PPWD1: variants seen among roughly 807,000 people sequenced by gnomAD.
The protein encoded by PPWD1 is peptidylprolyl isomerase domain and WD repeat-containing protein 1.
In PPWD1, 43 loss-of-function variants were observed where a neutral mutation model predicts 68.8. The ratio of observed to expected loss-of-function variants is 0.62; its 90% CI spans 0.49 to 0.81. The LOEUF (loss-of-function observed/expected upper bound fraction) is 0.81, where lower values mean the gene tolerates loss of function less well. PPWD1 is among the 30% of genes least tolerant of loss of function. The pLI is 0.00. For missense variants in PPWD1, 672 were observed against 804.8 expected (o/e 0.83, Z 2.00); for synonymous variants, 232 against 258.7 (o/e 0.90, Z 0.99).
intron 7 of PPWD1, among the ~76,000 whole-genome samples, chr5:65,582,113 G>T (rs1199855442): frequency 6.6e-6 from 1 of 152,096 alleles, no homozygotes; most frequent in African/African-American, 2.4e-5. Context: ...TGTTTATTTG[G>T]AATCTATCCA....
chr5:65,574,685 G>A (rs554991094), intron 5 of PPWD1, among the ~76,000 whole-genome samples: 1 of 151,638 alleles, frequency 6.6e-6, no homozygotes, highest in Admixed American at 6.6e-5. Context: ...GGATGGTCTC[G>A]ATCTCCTGAC....
chr5:65,564,272 C>T (rs1752543426), intron 1 of PPWD1, among the ~76,000 whole-genome samples: 1 of 150,502 alleles, frequency 6.6e-6, no homozygotes, highest in Non-Finnish European at 1.5e-5. Flanking sequence ...CGTACTTTAG[C>T]ACCTTCCCTT....
chr5:65,568,787 G>A (rs1752881654), intron 2 of PPWD1: 1 of 299,872 alleles, frequency 3.3e-6, no homozygotes, highest in South Asian at 3.1e-5. Flanking sequence ...TGTAAAATAG[G>A]ATAATTCTGA....
intron 10 of PPWD1, among the ~76,000 whole-genome samples, chr5:65,586,818 CA>C (rs942924603): frequency 2.6e-5 from 4 of 152,080 alleles, no homozygotes; most frequent in Non-Finnish European, 4.4e-5. Flanking sequence ...ATTAACTTGC[CA>C]AAAGGTCAAG....
Position 65,586,168 on chromosome 5 carries a change from C to T in PPWD1, c.1784C>T (p.Thr595Met), listed in dbSNP as rs369664589. ...SNTNGSQFFI[T>M]VVPTPWLDNK... ...ACTAATGGATCCCAGTTTTTCATAA[C>T]GGTAGTACCAACGGTAAGTACAGTA... The change falls in exon 10 of 11, where the codon ACG (threonine) becomes ATG (methionine). Residue 595 changes from threonine (T) to methionine (M), a missense_variant. By Grantham distance (81) the Thr-to-Met change is moderately conservative (BLOSUM62 -1). Around this residue, in one of 2 missense-constraint regions of PPWD1, gnomAD observed 484 missense variants for 646.2 expected, o/e 0.75. Transcript: ENST00000261308. 9.7e-5 allele frequency: 156 copies of T among 1,612,242 alleles called. No individual in the cohort carries two copies. Among genetic ancestry groups the T allele is most frequent in the Non-Finnish European group, 1.2e-4 (147 of 1,178,994 alleles).
At chr5:65,575,138 G>C (rs1257647402) in intron 5 of PPWD1, among the ~76,000 whole-genome samples, 2 of 152,180 alleles carry the variant, frequency 1.3e-5, no homozygotes, top group Non-Finnish European at 2.9e-5. Flanking sequence ...GCCCTGCTAT[G>C]AAGTCTAGAG....
At chr5:65,571,040 A>G (rs765087993) in intron 4 of PPWD1, among the ~76,000 whole-genome samples, 1 of 152,162 alleles carries the variant, frequency 6.6e-6, no homozygotes, top group East Asian at 1.9e-4. Flanking sequence ...ACCTGTCTTG[A>G]TCACCTGTCC....
At position 65,569,932 on chromosome 5, in the gene PPWD1, G is replaced by C. The variant is rs754389800; in HGVS notation, c.455G>C (p.Gly152Ala). Residue 152 changes from glycine to alanine, a missense_variant, in exon 4 of 11, where the codon GGT becomes GCT. By Grantham distance (60) the Gly-to-Ala change is moderately conservative. This residue lies in a region of PPWD1 where 484 missense variants were observed against 646.2 expected (regional missense o/e 0.75). Coordinates refer to ENST00000261308, the MANE Select transcript of PPWD1 (RefSeq NM_015342.4). ...GAGGGAGCATTGTTCTGTTCTGTGG[G>C]TGATGATAAAGCAATGAAGGTGTTT... is the stretch of plus-strand genomic sequence containing the variant. ...SSEGALFCSV[G>A]DDKAMKVFDV... The C allele has an allele frequency of 4.3e-6, 7 of 1,612,324 alleles. No individual in the cohort carries two copies. The highest frequency in any genetic ancestry group is 8.5e-7 in the Non-Finnish European group (1 of 1,178,904).
At chr5:65,586,505 A>G (rs542618889) in intron 10 of PPWD1, among the ~76,000 whole-genome samples, 25 of 152,286 alleles carry the variant, frequency 1.6e-4, no homozygotes, top group African/African-American at 6.0e-4. Context: ...TCTTTAGAAT[A>G]CAAAGATTAG....
intron 1 of PPWD1, among the ~76,000 whole-genome samples, chr5:65,566,073 A>C (rs764513568): frequency 6.6e-6 from 1 of 152,188 alleles, no homozygotes; most frequent in South Asian, 2.1e-4. Context: ...CTTTATGCCC[A>C]TGTGACCTAG....
At chr5:65,570,089 T>C in intron 4 of PPWD1, 91 bp downstream of exon 4, 1 of 1,265,918 alleles carries the variant, frequency 7.9e-7, no homozygotes, top group Non-Finnish European at 1.1e-6. Context: ...CTAAATAGTA[T>C]ATTACCATAT....
intron 1 of PPWD1, among the ~76,000 whole-genome samples, chr5:65,565,444 G>C (rs12516229): frequency 0.26 from 40,243 of 152,028 alleles, 5,938 homozygotes; most frequent in South Asian, 0.35. Flanking sequence ...TTAATATAAC[G>C]GAGACAGATA....
chr5:65,583,784 TAA>T (rs1554123405), intron 8 of PPWD1, among the ~76,000 whole-genome samples: 1 of 152,000 alleles, frequency 6.6e-6, no homozygotes, highest in South Asian at 2.1e-4. Flanking sequence ...CTCTATCTCT[TAA>T]AAAAAATTTT....
chr5:65,577,836 T>TC (rs1753374159), intron 6 of PPWD1, among the ~76,000 whole-genome samples: 1 of 152,110 alleles, frequency 6.6e-6, no homozygotes, highest in African/African-American at 2.4e-5. Context: ...ATTATCAACG[T>TC]CCCCCACCAG....
rs766029977 is a variant in PPWD1, at chr5:65,587,241, C to T, written c.1798-12C>T. On this transcript the variant is annotated splice_polypyrimidine_tract_variant and intron_variant, in intron 10 of 10. Coordinates refer to ENST00000261308, the MANE Select transcript of PPWD1 (RefSeq NM_015342.4). ...GGGTTTACCAAGATTTTCCATTTGTCCTCCAACACAGCCTTGGCTTGATAA... is the reference window on the plus strand; with the variant it reads ...GGGTTTACCAAGATTTTCCATTTGTTCTCCAACACAGCCTTGGCTTGATAA... 1.1e-5 allele frequency: 17 copies of T among 1,588,364 alleles called. No individual in the cohort carries two copies. In the South Asian group the frequency reaches 1.9e-4, roughly 17 times the overall value.
chr5:65,576,184 CT>C (rs1234525890), intron 5 of PPWD1, among the ~76,000 whole-genome samples: 1 of 91,154 alleles, frequency 1.1e-5, no homozygotes, highest in Non-Finnish European at 2.5e-5. Flanking sequence ...CACCTGTTTT[CT>C]TTATACTTTG....
rs934211781 is a variant in PPWD1 at position 65,585,853 on chromosome 5, ATTT to A, written c.1615-145_1615-143del. ...TGGGCAATGGAAATACATCATCCAAATTTAAGTGTTAAGGGTTTAATCAAATCA... is the reference window on the plus strand; with the variant it reads ...TGGGCAATGGAAATACATCATCCAAAAAGTGTTAAGGGTTTAATCAAATCA... On this transcript the variant is annotated intron_variant, in intron 9 of 10. Coordinates refer to ENST00000261308, the MANE Select transcript of PPWD1 (RefSeq NM_015342.4). 34 of 1,258,044 alleles carry A rather than the reference ATTT, an allele frequency of 2.7e-5. No homozygotes were observed. In the African/African-American group the frequency reaches 6.2e-4, roughly 23 times the overall value. 77.9% of individuals were successfully genotyped at this position (1,258,044 alleles called of 1,614,324 possible). A position where few individuals can be genotyped will look rare whatever the true frequency, so the allele number is the denominator to read the frequency against.
At chr5:65,569,584 T>G (rs918697995) in intron 2 of PPWD1, 48 bp from the exon 3 acceptor site, 30 of 1,506,948 alleles carry the variant, frequency 2.0e-5, no homozygotes, top group Non-Finnish European at 2.7e-5. Context: ...TACTAAGTGA[T>G]TCATAGATCT....
At chr5:65,584,387 C>CTA (rs560760804) in intron 8 of PPWD1, among the ~76,000 whole-genome samples, 22 of 152,194 alleles carry the variant, frequency 1.4e-4, no homozygotes, top group Admixed American at 4.6e-4. Context: ...GCTTCGTACT[C>CTA]TGAGTGTGAT....
Sources: gnomAD v4.1 joint callset for allele counts (sites outside exome capture counted in the v4.1 genomes callset) on GRCh38, gnomAD v4.1.1 for gene constraint, gnomAD v4.1.1 regional missense constraint, MANE v1.5 for transcripts, NCBI Gene and HGNC (gene_info 2026-07-23, HGNC 2026-07-21) for gene names.